The following SLC35E4 variants were observed in gnomAD, a reference collection of about 807,000 sequenced individuals.
SLC35E4 encodes the protein solute carrier family 35 member E4.
SLC35E4 carries 15 observed loss-of-function variants against 19.3 expected under a neutral mutation model. That is an observed-to-expected ratio of 0.78 (90% CI 0.52 to 1.20). The LOEUF (loss-of-function observed/expected upper bound fraction) is 1.20, where lower values mean the gene tolerates loss of function less well. Among genes scored for constraint, SLC35E4 ranks in the 50% most tolerant of loss-of-function variants. The pLI is 0.00. For missense variants in SLC35E4, 406 were observed against 472.3 expected (o/e 0.86, Z 1.30); for synonymous variants, 219 against 219.9 (o/e 1.00, Z 0.04).
intron 2 of SLC35E4, chr22:30,654,606 G>T: frequency 2.1e-6 from 1 of 465,682 alleles, no homozygotes; most frequent in Admixed American, 2.4e-5. Context: ...TGGGGGCCCA[G>T]AAGTGGTAGG....
intron 1 of SLC35E4, among the ~76,000 whole-genome samples, chr22:30,642,924 GGAGGCT>G (rs2088069427): frequency 6.6e-6 from 1 of 151,908 alleles, no homozygotes; most frequent in South Asian, 2.1e-4. Context: ...CAGCTAGTCG[GGAGGCT>G]GAGGCAGGAG....
chr22:30,654,600 G>C, intron 2 of SLC35E4: 1 of 465,328 alleles, frequency 2.1e-6, no homozygotes, highest in Non-Finnish European at 4.3e-6. Flanking sequence ...AAGTGGTGGG[G>C]GCCCAGAAGT....
At chr22:30,651,423 ATATATTTTTTTTTTTTTTTT>A (rs1766480468), downstream of SLC35E4, among the ~76,000 whole-genome samples, 34 of 37,462 alleles carry the variant, frequency 9.1e-4, no homozygotes, top group South Asian at 5.7e-3. Context: ...ATATATATAT[ATATATTTTTTTTTTTTTTTT>A]TTTTTTTTTT....
intron 1 of SLC35E4, 72 bp from the exon 2 acceptor site, chr22:30,646,526 A>G: frequency 1.3e-6 from 2 of 1,518,570 alleles, no homozygotes; most frequent in South Asian, 1.3e-5. Flanking sequence ...AGGATCGGCC[A>G]TAGGGGTCAT....
downstream of SLC35E4, among the ~76,000 whole-genome samples, chr22:30,651,541 A>G (rs1263676867): frequency 1.4e-5 from 2 of 145,898 alleles, no homozygotes; most frequent in African/African-American, 5.2e-5. Flanking sequence ...TGGCCTCCCA[A>G]AGTGCTAGGA....
At chr22:30,649,368 G>A, downstream of SLC35E4, 1 of 655,650 alleles carries the variant, frequency 1.5e-6, no homozygotes, top group South Asian at 1.8e-5. Context: ...CCAGGCTGGG[G>A]CTGTGGTCTA....
In SLC35E4 at chr22:30,657,053, C is replaced by G. The variant is rs146457027; in HGVS notation, c.*9-5007C>G. Among the ~76,000 whole-genome samples, 1,499 of 152,288 alleles carry G rather than the reference C, an allele frequency of 9.8e-3. 13 individuals carry two copies. Among genetic ancestry groups the G allele is most frequent in the South Asian group, 0.03 (147 of 4,826 alleles). ...TGCTCAGGAGGAAGGAACTAGATCA[C>G]AATACTAATATGTTGACTTGGTTAC... On this transcript the variant is annotated intron_variant, in intron 2 of 2. Coordinates refer to the SLC35E4 transcript ENST00000406566.
At chr22:30,650,868 G>A (rs2088197830), downstream of SLC35E4, among the ~76,000 whole-genome samples, 1 of 152,116 alleles carries the variant, frequency 6.6e-6, no homozygotes, top group Non-Finnish European at 1.5e-5. Context: ...GAGGAAGCCT[G>A]GGAAGCTGGG....
intron 1 of SLC35E4, among the ~76,000 whole-genome samples, chr22:30,639,608 C>A (rs2088005108): frequency 6.6e-6 from 1 of 152,170 alleles, no homozygotes; most frequent in African/African-American, 2.4e-5. Context: ...TAGAGGCCTA[C>A]CCTCAGGGAC....
At chr22:30,641,659 C>G (rs1274437630) in intron 1 of SLC35E4, among the ~76,000 whole-genome samples, 7 of 151,400 alleles carry the variant, frequency 4.6e-5, no homozygotes, top group Non-Finnish European at 1.0e-4. Flanking sequence ...AATTCTTGTG[C>G]CTCAGCCTCC....
chr22:30,656,593 A>G (rs1369800220), intron 2 of SLC35E4, among the ~76,000 whole-genome samples: 1 of 152,178 alleles, frequency 6.6e-6, no homozygotes, highest in Non-Finnish European at 1.5e-5. Flanking sequence ...AGGCTATGGG[A>G]CCACTTCTTT....
At chr22:30,657,928 AAT>A in intron 2 of SLC35E4, among the ~76,000 whole-genome samples, 2 of 146,240 alleles carry the variant, frequency 1.4e-5, no homozygotes, top group East Asian at 4.0e-4. Flanking sequence ...TAATAATAAT[AAT>A]AATAATAATA....
intron 2 of SLC35E4, among the ~76,000 whole-genome samples, chr22:30,660,077 T>G (rs1407776562): frequency 6.6e-6 from 1 of 152,220 alleles, no homozygotes; most frequent in Non-Finnish European, 1.5e-5. Context: ...TGGAAGCAGA[T>G]TCTTCCTCAG....
At chr22:30,655,659 G>T (rs1420648439) in intron 2 of SLC35E4, among the ~76,000 whole-genome samples, 7 of 152,148 alleles carry the variant, frequency 4.6e-5, no homozygotes, top group African/African-American at 1.7e-4. Flanking sequence ...GCATAAACAT[G>T]ATGATGGATT....
At chr22:30,659,161 G>A (rs2088409085) in intron 2 of SLC35E4, among the ~76,000 whole-genome samples, 1 of 147,254 alleles carries the variant, frequency 6.8e-6, no homozygotes, top group South Asian at 2.1e-4. Context: ...AAACTGAACT[G>A]ATACTGGAAC....
At chr22:30,665,466 C>A (rs1324915459), downstream of SLC35E4, 3 of 466,268 alleles carry the variant, frequency 6.4e-6, no homozygotes, top group South Asian at 3.1e-5. Flanking sequence ...GCTGATCTCT[C>A]AGTCTCTTTC....
downstream of SLC35E4, among the ~76,000 whole-genome samples, chr22:30,652,727 T>C (rs1177132572): frequency 6.6e-6 from 1 of 152,228 alleles, no homozygotes; most frequent in Non-Finnish European, 1.5e-5. Flanking sequence ...GCCCCTTGAG[T>C]GTCCTCAACA....
rs998871750 is a variant in SLC35E4 at position 30,640,966 on chromosome 22, G to A, written c.619+3897G>A. ...TGGCGTATTCAGAGCTGACACAGAG[G>A]CCCTATCTCTATCCTCCCTGGCTCC... On this transcript the variant is annotated intron_variant, in intron 1 of 1. Coordinates refer to ENST00000343605, the MANE Select transcript of SLC35E4 (RefSeq NM_001001479.4). Among the ~76,000 whole-genome samples the A allele has an allele frequency of 1.5e-4, 23 of 152,276 alleles. 3 individuals are homozygous for A. The highest frequency in any genetic ancestry group is 1.4e-3 in the Admixed American group (21 of 15,306).
At position 30,646,730 on chromosome 22, in the gene SLC35E4, A is replaced by G; in HGVS notation, c.752A>G (p.Asp251Gly). ...AGVAPPPTAG[D>G]SRLWACILLS... ...GTTGCCCCACCGCCCACTGCTGGCG[A>G]CTCTCGCCTCTGGGCCTGCATCCTG... The change falls in exon 2 of 2, where the codon GAC becomes GGC. Residue 251 changes from aspartate (D) to glycine (G), a missense_variant. By Grantham distance (94) the Asp-to-Gly change is moderately conservative. Transcript: ENST00000343605. 6.2e-7 allele frequency: 1 copy of G among 1,612,560 alleles called. No homozygotes were observed. The highest frequency in any genetic ancestry group is 1.3e-5 in the African/African-American group (1 of 74,838).
Sources: gnomAD v4.1 joint callset for allele counts (sites outside exome capture counted in the v4.1 genomes callset) on GRCh38, gnomAD v4.1.1 for gene constraint, MANE v1.5 for transcripts, NCBI Gene and HGNC (gene_info 2026-07-23, HGNC 2026-07-21) for gene names.